The following MATK variants were observed in gnomAD, a reference collection of about 807,000 sequenced individuals.
MATK encodes megakaryocyte-associated tyrosine kinase.
A neutral mutation model predicts 59.8 loss-of-function variants in MATK; 41 were observed. The ratio of observed to expected loss-of-function variants is 0.69; its 90% CI spans 0.53 to 0.89. The LOEUF (loss-of-function observed/expected upper bound fraction) is 0.89, where lower values mean the gene tolerates loss of function less well. MATK is among the 40% of genes least tolerant of loss of function. MATK has a pLI of 0.00. For missense variants in MATK, 593 were observed against 719.6 expected, an observed-to-expected ratio of 0.82 and a Z score of 2.01; for synonymous variants, 308 against 306.1, an observed-to-expected ratio of 1.01 and a Z score of -0.06.
In MATK at chr19:3,782,951, G is replaced by A. The variant is rs761621929; in HGVS notation, c.676+175C>T. On this transcript the variant is annotated intron_variant, in intron 7 of 13. Transcript: ENST00000310132. ...GAAGCTGGGGACCTATTGAATAAAG[G>A]ACTGATCTGTGTCTGTGGGCACCCC... 17 of 608,734 alleles carry A rather than the reference G, an allele frequency of 2.8e-5. No homozygotes were observed. In the South Asian group the frequency reaches 3.3e-4, roughly 12 times the overall value. The allele number at this position is 608,734 out of a possible 1,614,324, so 37.7% of individuals were successfully genotyped here. A position where few individuals can be genotyped will look rare whatever the true frequency, so the allele number is the denominator to read the frequency against.
In MATK at chr19:3,785,110, G is replaced by T. The variant is rs779686539; in HGVS notation, c.26C>A (p.Ser9Tyr). The change falls in exon 2 of 14, where the codon TCC becomes TAC. Residue 9 changes from serine (S) to tyrosine (Y), a missense_variant. Ser to Tyr is a moderately radical substitution (Grantham distance 144). Coordinates refer to ENST00000310132, the MANE Select transcript of MATK (RefSeq NM_139355.3). MAGRGSLVSWRAFHGCDSA... is the reference protein window; with the variant it reads MAGRGSLVYWRAFHGCDSA... ...ATCACAGCCGTGAAATGCCCGCCAG[G>T]AAACCAGAGAGCCTCGCCCCGCCAT... 1 of 1,614,130 alleles carries T rather than the reference G, an allele frequency of 6.2e-7. No individual in the cohort carries two copies. Among genetic ancestry groups the T allele is most frequent in the South Asian group, 1.1e-5 (1 of 91,086 alleles).
chr19:3,791,580 C>T (rs550992574), intron 1 of MATK, among the ~76,000 whole-genome samples: 181 of 151,914 alleles, frequency 1.2e-3, no homozygotes, highest in Non-Finnish European at 1.9e-3. Flanking sequence ...TGACCTCAGG[C>T]GATCTGCCCG....
Position 3,779,147 on chromosome 19 carries a change from G to A in MATK, c.1042C>T (p.Leu348Phe), listed in dbSNP as rs140632879. 975 of 1,606,830 alleles carry A rather than the reference G, an allele frequency of 6.1e-4. 4 individuals are homozygous for A. Among genetic ancestry groups the A allele is most frequent in the Non-Finnish European group, 3.7e-4 (439 of 1,177,282 alleles). The stretch of plus-strand genomic sequence containing the variant: ...CGGGCGGCCAGGTCGCGGTGCACAA[G>A]CTTCTTGCTCTCCAGGTACTCCATG... ...EGMEYLESKK[L>F]VHRDLAARNI... is the part of the protein sequence containing the mutation. The change falls in exon 12 of 14, where the codon CTT becomes TTT. Residue 348 changes from leucine to phenylalanine, a missense_variant. Coordinates refer to ENST00000310132, the MANE Select transcript of MATK (RefSeq NM_139355.3).
chr19:3,788,128 T>C (rs936131287), upstream of MATK, among the ~76,000 whole-genome samples: 13 of 147,226 alleles, frequency 8.8e-5, no homozygotes, highest in African/African-American at 3.2e-4. Context: ...TTATATTATA[T>C]TATATTATAT....
chr19:3,781,878 GAACT>G (rs1362740462), intron 7 of MATK, among the ~76,000 whole-genome samples: 1 of 152,180 alleles, frequency 6.6e-6, no homozygotes, highest in African/African-American at 2.4e-5. Context: ...GCAAGCAACA[GAACT>G]ATCTCAGGTT....
At chr19:3,795,982 G>A (rs1296258440) in intron 1 of MATK, among the ~76,000 whole-genome samples, 3 of 151,640 alleles carry the variant, frequency 2.0e-5, no homozygotes, top group East Asian at 3.9e-4. Context: ...GGCTGGTCTC[G>A]AACTCCTGAC....
intron 1 of MATK, among the ~76,000 whole-genome samples, chr19:3,792,252 C>T (rs539546597): frequency 2.0e-5 from 3 of 152,196 alleles, no homozygotes; most frequent in African/African-American, 4.8e-5. Context: ...AGGCAGGGCA[C>T]GATTCTTATT....
upstream of MATK, among the ~76,000 whole-genome samples, chr19:3,789,938 G>A (rs146791141): frequency 6.6e-6 from 1 of 151,182 alleles, no homozygotes; most frequent in Non-Finnish European, 1.5e-5. Context: ...TCTCACTCCT[G>A]TCACGCAGGC....
chr19:3,779,658 C>T (rs762771723), intron 9 of MATK, 40 bp downstream of exon 9: 7 of 1,610,674 alleles, frequency 4.3e-6, no homozygotes, highest in Non-Finnish European at 5.9e-6. Flanking sequence ...GGCTGGGACC[C>T]CCCCCGTCCC....
Position 3,779,595 on chromosome 19 carries a change from C to T in MATK, c.865G>A (p.Val289Met). 6.2e-7 allele frequency: 1 copy of T among 1,612,046 alleles called. No homozygotes were observed. The highest frequency in any genetic ancestry group is 8.5e-7 in the Non-Finnish European group (1 of 1,179,552). The change falls in exon 10 of 14, where the codon GTG (valine) becomes ATG (methionine). Residue 289 changes from valine to methionine, a missense_variant. By Grantham distance (21) the Val-to-Met change is conservative (BLOSUM62 1). Transcript: ENST00000310132. ...VMTKMQHENL[V>M]RLLGVILHQG... is the part of the protein sequence containing the mutation. ...TGCAGGATCACGCCCAGGAGACGCA[C>T]CAGGTTCTCGTGTTGCATCTTCCTG...
chr19:3,794,518 G>A lies in MATK; in HGVS notation c.-57-5114C>T, dbSNP rs144144223. 1.5e-3 allele frequency among the ~76,000 whole-genome samples: 235 copies of A among 152,224 alleles called. 3 individuals are homozygous for A. The highest frequency in any genetic ancestry group is 5.5e-3 in the African/African-American group (227 of 41,534). On this transcript the variant is annotated intron_variant, in intron 1 of 13. Coordinates refer to the MATK transcript ENST00000395045. ...AAAATAAAATAAACTAGCTGGGTGT[G>A]GTGGTGTATGCCTGTAGTCCCAGCC...
rs2037435783 is a variant in MATK, at chr19:3,783,816, C to T, written c.580G>A (p.Glu194Lys). ...VFFCNLMDMV[E>K]HYSKDKGAIC... ...GTGGGGCCTCTGGGTGGCAGCACCT[C>T]CACCATGTCCATGAGGTTGCAGAAG... The change falls in exon 6 of 14, where the codon GAG (glutamate) becomes AAG (lysine). Residue 194 changes from glutamate to lysine, a missense_variant and splice_region_variant. By Grantham distance (56) the Glu-to-Lys change is moderately conservative (BLOSUM62 1). Coordinates refer to ENST00000310132, the MANE Select transcript of MATK (RefSeq NM_139355.3). 6.2e-7 allele frequency: 1 copy of T among 1,609,896 alleles called. No individual in the cohort carries two copies. The highest frequency in any genetic ancestry group is 8.5e-7 in the Non-Finnish European group (1 of 1,177,464).
At position 3,786,198 on chromosome 19, in the gene MATK, C is replaced by G; in HGVS notation, c.-181G>C. 2.0e-6 allele frequency: 2 copies of G among 983,466 alleles called. No individual in the cohort carries two copies. The highest frequency in any genetic ancestry group is 2.4e-6 in the Non-Finnish European group (2 of 828,450). The allele number at this position is 983,466 out of a possible 1,614,324, so 60.9% of individuals were successfully genotyped here. On this transcript the variant is annotated 5_prime_UTR_variant, in exon 1 of 14. Transcript: ENST00000310132. The surrounding 1 kb of genome is among the most constrained non-coding windows in gnomAD (Gnocchi z 4.1). Reference sequence around the variant, plus strand: ...TCAGGGGGCGCCCCCGAGCCGCGCCCCGCGCCCGCCCCCAGGAGGGCCTCC... The same window carrying G: ...TCAGGGGGCGCCCCCGAGCCGCGCCGCGCGCCCGCCCCCAGGAGGGCCTCC...
At chr19:3,782,112 C>T (rs887000218) in intron 7 of MATK, among the ~76,000 whole-genome samples, 1 of 152,172 alleles carries the variant, frequency 6.6e-6, no homozygotes, top group African/African-American at 2.4e-5. Context: ...CTCTTCCCTA[C>T]ACAGTTCTTT....
chr19:3,780,593 ATTTTTTT>A (rs753906037), intron 8 of MATK, among the ~76,000 whole-genome samples: 1 of 122,248 alleles, frequency 8.2e-6, no homozygotes, highest in African/African-American at 3.1e-5. Flanking sequence ...CGCCCGGCTA[ATTTTTTT>A]TTTTTTTTTT....
At chr19:3,784,610 G>C (rs1217641103) in intron 3 of MATK, 159 bp from the exon 4 acceptor site, 7 of 649,584 alleles carry the variant, frequency 1.1e-5, no homozygotes, top group African/African-American at 9.1e-5. Flanking sequence ...GGAAAGAAAG[G>C]GGGAGTGGGG....
chr19:3,779,679 GCC>G lies in MATK; in HGVS notation c.842+17_842+18del. On this transcript the variant is annotated intron_variant, in intron 9 of 13. Coordinates refer to ENST00000310132, the MANE Select transcript of MATK (RefSeq NM_139355.3). Reference sequence around the variant, plus strand: ...GACCCCCCCCGTCCCACGGTCCCCAGCCCCACCCTGGGACTCACGTCATGACG... The same window carrying G: ...GACCCCCCCCGTCCCACGGTCCCCAGCCACCCTGGGACTCACGTCATGACG... The G allele has an allele frequency of 6.2e-7, 1 of 1,610,866 alleles. No homozygotes were observed. The highest frequency in any genetic ancestry group is 1.7e-5 in the Admixed American group (1 of 60,022).
At chr19:3,786,565 T>TGGAAC (rs1335737292), upstream of MATK, 8 of 251,546 alleles carry the variant, frequency 3.2e-5, no homozygotes, top group Non-Finnish European at 4.7e-5. The surrounding 1 kb of genome is among the most constrained non-coding windows in gnomAD (Gnocchi z 4.1). Flanking sequence ...TCTTGGAGCG[T>TGGAAC]GGAACGGGCG....
rs376052353 is a variant in MATK at position 3,779,626 on chromosome 19, G to A, written c.843-9C>T. On this transcript the variant is annotated splice_polypyrimidine_tract_variant and intron_variant, in intron 9 of 13. Coordinates refer to ENST00000310132, the MANE Select transcript of MATK (RefSeq NM_139355.3). ...TCTCGTGTTGCATCTTCCTGGGGGC[G>A]GTGGGGTGGGCGTGAGGGCAGGGCT... 2.7e-5 allele frequency: 44 copies of A among 1,611,688 alleles called. No individual in the cohort carries two copies. The highest frequency in any genetic ancestry group is 2.5e-4 in the East Asian group (11 of 44,842).
Sources: gnomAD v4.1 joint callset for allele counts (sites outside exome capture counted in the v4.1 genomes callset) on GRCh38, gnomAD v4.1.1 for gene constraint, Gnocchi (gnomAD v3.1) non-coding constraint, MANE v1.5 for transcripts, NCBI Gene and HGNC (gene_info 2026-07-23, HGNC 2026-07-21) for gene names.